Variants in CLDN10 observed in about 807,000 individuals in gnomAD.
CLDN10 encodes the protein claudin 10.
CLDN10 carries 15 observed loss-of-function variants against 22.9 expected under a neutral mutation model. That is an observed-to-expected ratio of 0.65 (90% CI 0.44 to 1.01). The LOEUF (loss-of-function observed/expected upper bound fraction) is 1.01, where lower values mean the gene tolerates loss of function less well. Ranked by LOEUF, CLDN10 falls within the 50% of genes least tolerant of loss-of-function variation. CLDN10 has a pLI of 0.00. For synonymous variants in CLDN10, 114 were observed against 111.4 expected (o/e 1.02, Z -0.15); for missense variants, 247 against 287.8 (o/e 0.86, Z 1.03).
intron 1 of CLDN10, among the ~76,000 whole-genome samples, chr13:95,530,833 T>G (rs1369394751): frequency 1.3e-5 from 2 of 152,054 alleles, no homozygotes; most frequent in East Asian, 1.9e-4. Context: ...AACATGAAAC[T>G]CACTTACCTA....
chr13:95,447,740 TGC>T (rs922274681), intron 1 of CLDN10, among the ~76,000 whole-genome samples: 10 of 118,158 alleles, frequency 8.5e-5, no homozygotes, highest in Non-Finnish European at 8.3e-5. Flanking sequence ...GGAGTGCACA[TGC>T]GTGTGTGTGT....
At chr13:95,557,293 G>A (rs982587231) in intron 1 of CLDN10, among the ~76,000 whole-genome samples, 11 of 152,120 alleles carry the variant, frequency 7.2e-5, no homozygotes, top group Non-Finnish European at 1.5e-4. Flanking sequence ...ACTTCTCCTG[G>A]TGGTGTTACT....
chr13:95,553,020 C>G (rs761479787), intron 1 of CLDN10, 47 bp downstream of exon 1: 1 of 1,602,368 alleles, frequency 6.2e-7, no homozygotes, highest in Non-Finnish European at 8.5e-7. Context: ...TCCTTGATGG[C>G]CAGCCCGCTA....
At chr13:95,442,040 A>AC (rs2042329456) in intron 1 of CLDN10, among the ~76,000 whole-genome samples, 1 of 152,140 alleles carries the variant, frequency 6.6e-6, no homozygotes, top group Non-Finnish European at 1.5e-5. Context: ...AGTCCCAGCT[A>AC]CTCAGGAGGC....
chr13:95,545,734 C>G (rs946761563), intron 1 of CLDN10, among the ~76,000 whole-genome samples: 27 of 151,794 alleles, frequency 1.8e-4, no homozygotes, highest in African/African-American at 6.5e-4. Context: ...ATATTTTCAC[C>G]AGAAAATGAA....
chr13:95,506,136 A>G (rs1472618848), intron 1 of CLDN10, among the ~76,000 whole-genome samples: 3 of 152,176 alleles, frequency 2.0e-5, no homozygotes, highest in Non-Finnish European at 4.4e-5. Flanking sequence ...GAATGTCTGC[A>G]GCTGCTGATG....
intron 1 of CLDN10, among the ~76,000 whole-genome samples, chr13:95,546,270 T>A (rs1030969397): frequency 6.6e-6 from 1 of 152,154 alleles, no homozygotes; most frequent in African/African-American, 2.4e-5. Flanking sequence ...AAGCAACTTC[T>A]CACAAGGAGT....
At chr13:95,444,811 T>C (rs1366966956) in intron 1 of CLDN10, among the ~76,000 whole-genome samples, 6 of 152,206 alleles carry the variant, frequency 3.9e-5, no homozygotes, top group Non-Finnish European at 8.8e-5. Context: ...GGTGGTGGTG[T>C]TTTTACAGAG....
At chr13:95,481,321 C>T (rs1594550137) in intron 1 of CLDN10, among the ~76,000 whole-genome samples, 3 of 152,148 alleles carry the variant, frequency 2.0e-5, no homozygotes, top group Admixed American at 1.3e-4. Context: ...AGAGGATGGC[C>T]GGGGCAGAAC....
intron 1 of CLDN10, among the ~76,000 whole-genome samples, chr13:95,435,972 A>AC (rs1283975154): frequency 6.6e-6 from 1 of 152,050 alleles, no homozygotes; most frequent in East Asian, 1.9e-4. Context: ...TAAAAAAAAA[A>AC]AAAAGAAAAT....
At chr13:95,479,090 C>T in intron 1 of CLDN10, among the ~76,000 whole-genome samples, 1 of 152,196 alleles carries the variant, frequency 6.6e-6, no homozygotes, top group South Asian at 2.1e-4. Flanking sequence ...GTGGCTCATG[C>T]CTGTAATCCC....
At chr13:95,536,908 G>C (rs745748380) in intron 1 of CLDN10, among the ~76,000 whole-genome samples, 17 of 152,158 alleles carry the variant, frequency 1.1e-4, no homozygotes, top group Non-Finnish European at 2.1e-4. Flanking sequence ...TGCTGCTAGT[G>C]GTATTTAAAT....
intron 1 of CLDN10, among the ~76,000 whole-genome samples, chr13:95,492,788 G>A (rs2042887832): frequency 6.6e-6 from 1 of 152,146 alleles, no homozygotes; most frequent in African/African-American, 2.4e-5. Context: ...ATGGATCCCT[G>A]TGGTGTCAGG....
In CLDN10 at chr13:95,578,187, A is replaced by T; in HGVS notation, c.*173A>T. 4.7e-6 allele frequency: 2 copies of T among 421,908 alleles called. No individual in the cohort carries two copies. The highest frequency in any genetic ancestry group is 4.2e-5 in the Admixed American group (1 of 23,946). The allele number at this position is 421,908 out of a possible 1,614,324, so 26.1% of individuals were successfully genotyped here. On this transcript the variant is annotated 3_prime_UTR_variant, in exon 5 of 5. Transcript: ENST00000299339. ...GTTCTTACATAGTTAGTTATATACT[A>T]ATCATTTTCTGTTGTGGCTTTCTAT...
chr13:95,554,081 T>C (rs1048912268), intron 1 of CLDN10, among the ~76,000 whole-genome samples: 4 of 152,208 alleles, frequency 2.6e-5, no homozygotes, highest in African/African-American at 7.2e-5. Context: ...AAGAGCAAAC[T>C]GTTGCTCAAC....
intron 1 of CLDN10, among the ~76,000 whole-genome samples, chr13:95,519,688 C>T (rs1332142627): frequency 6.6e-6 from 1 of 150,488 alleles, no homozygotes; most frequent in South Asian, 2.1e-4. Flanking sequence ...TAACAGTGCA[C>T]CAAGCTGCCA....
rs34828390 is a variant in CLDN10, at chr13:95,505,749, C to CTTTTTTT, written c.215-54366_215-54360dup. 4.0e-4 allele frequency among the ~76,000 whole-genome samples: 41 copies of CTTTTTTT among 103,732 alleles called. 1 individual carries two copies. Among genetic ancestry groups the CTTTTTTT allele is most frequent in the African/African-American group, 8.3e-4 (23 of 27,722 alleles). 68.1% of individuals were successfully genotyped at this position (103,732 alleles called of 152,430 possible). On this transcript the variant is annotated intron_variant, in intron 1 of 4. Transcript: ENST00000376873. ...GGCTTGTGCCAAGACCCTTCCCTTTCTTTTTTTTTTTTTTTTTTTTTTTGA... is the reference window on the plus strand; with the variant it reads ...GGCTTGTGCCAAGACCCTTCCCTTTCTTTTTTTTTTTTTTTTTTTTTTTTTTTTTTGA...
intron 1 of CLDN10, among the ~76,000 whole-genome samples, chr13:95,498,390 CTCTTTTT>C (rs996734812): frequency 8.6e-5 from 13 of 152,030 alleles, no homozygotes; most frequent in African/African-American, 2.7e-4. Flanking sequence ...GGGTGATATA[CTCTTTTT>C]TCTTTTTTCT....
intron 1 of CLDN10, among the ~76,000 whole-genome samples, chr13:95,507,527 A>G (rs891339472): frequency 6.6e-6 from 1 of 151,978 alleles, no homozygotes; most frequent in South Asian, 2.1e-4. Flanking sequence ...TTTCACTCCT[A>G]TGTAATCCCA....
Sources: gnomAD v4.1 joint callset for allele counts (sites outside exome capture counted in the v4.1 genomes callset) on GRCh38, gnomAD v4.1.1 for gene constraint, MANE v1.5 for transcripts, NCBI Gene and HGNC (gene_info 2026-07-23, HGNC 2026-07-21) for gene names.